Variants in SLAIN1 observed in about 807,000 individuals in gnomAD.
SLAIN1 encodes SLAIN family member 1, also known as SLAIN motif-containing protein 1.
Under a neutral mutation model 55.4 loss-of-function variants are expected in SLAIN1, and 17 were observed. That is an observed-to-expected ratio of 0.31 (90% CI 0.21 to 0.46). SLAIN1 has a LOEUF of 0.46. SLAIN1 is among the 20% of genes least tolerant of loss of function. SLAIN1 has a pLI of 1.00. For synonymous variants in SLAIN1, 348 were observed against 337.4 expected (o/e 1.03, Z -0.35); for missense variants, 682 against 785.1 (o/e 0.87, Z 1.57).
chr13:77,744,124 A>T, intron 2 of SLAIN1, 159 bp from the exon 3 acceptor site: 1 of 659,964 alleles, frequency 1.5e-6, no homozygotes, highest in South Asian at 1.7e-5. Context: ...TGAATTGTGT[A>T]CACATGATGT....
chr13:77,731,316 A>G (rs1327657659), intron 2 of SLAIN1, among the ~76,000 whole-genome samples: 1 of 152,202 alleles, frequency 6.6e-6, no homozygotes, highest in Non-Finnish European at 1.5e-5. Flanking sequence ...TAGATAAAAA[A>G]TTAATATTGT....
chr13:77,720,680 A>C (rs2091253672), intron 2 of SLAIN1, among the ~76,000 whole-genome samples: 1 of 152,144 alleles, frequency 6.6e-6, no homozygotes, highest in African/African-American at 2.4e-5. Flanking sequence ...AGTTTAGAGA[A>C]GTTCCCAGGG....
At chr13:77,711,757 G>A (rs951532824) in intron 1 of SLAIN1, among the ~76,000 whole-genome samples, 3 of 152,074 alleles carry the variant, frequency 2.0e-5, no homozygotes, top group African/African-American at 7.2e-5. Context: ...CCAAAACCTG[G>A]CAGAGACACA....
chr13:77,721,990 G>A (rs1007299628), intron 2 of SLAIN1, among the ~76,000 whole-genome samples: 1 of 138,676 alleles, frequency 7.2e-6, no homozygotes, highest in East Asian at 2.0e-4. Flanking sequence ...TTACATATAA[G>A]GTTAGGTTTT....
rs1331563200 is a variant in SLAIN1, at chr13:77,698,941, C to T, written c.626+402C>T. 3 of 1,534,062 alleles carry T rather than the reference C, an allele frequency of 2.0e-6. No homozygotes were observed. The highest frequency in any genetic ancestry group is 1.2e-5 in the South Asian group (1 of 83,964). ...GACGGGGGATGGTAGGGGTTGGCCT[C>T]TGTCTGCGACTGTTACTGTTCTTTC... On this transcript the variant is annotated intron_variant, in intron 1 of 6. Transcript: ENST00000418532. This position sits in a 1 kb window ranked among gnomAD's most constrained non-coding sequence, Gnocchi z 4.1.
intron 2 of SLAIN1, chr13:77,743,022 G>C (rs1248816806): frequency 2.3e-6 from 3 of 1,287,992 alleles, no homozygotes; most frequent in South Asian, 2.6e-5. Context: ...ACAGCTAGCC[G>C]ATGGCGGAGT....
intron 5 of SLAIN1, among the ~76,000 whole-genome samples, chr13:77,757,544 T>G (rs1037419409): frequency 6.6e-6 from 1 of 152,048 alleles, no homozygotes; most frequent in East Asian, 1.9e-4. Context: ...ACCGAAGCAG[T>G]GTACACTGTA....
chr13:77,745,345 C>A (rs971920497), intron 3 of SLAIN1, among the ~76,000 whole-genome samples: 2 of 151,980 alleles, frequency 1.3e-5, no homozygotes, highest in Non-Finnish European at 2.9e-5. Flanking sequence ...AATGTTACCA[C>A]TGGGGGAAAC....
At chr13:77,728,837 C>T (rs1463314647) in intron 2 of SLAIN1, among the ~76,000 whole-genome samples, 1 of 152,138 alleles carries the variant, frequency 6.6e-6, no homozygotes, top group East Asian at 1.9e-4. Flanking sequence ...TCCACTAGCT[C>T]ATATTTCTAG....
intron 4 of SLAIN1, among the ~76,000 whole-genome samples, chr13:77,750,791 A>G (rs888065847): frequency 6.6e-6 from 1 of 152,226 alleles, no homozygotes; most frequent in African/African-American, 2.4e-5. Context: ...GGAAGTCCAT[A>G]GAAAAGCTTC....
rs1198804411 is a variant in SLAIN1, at chr13:77,698,983, G to T, written c.626+444G>T. The T allele has an allele frequency of 6.5e-7, 1 of 1,534,656 alleles. No homozygotes were observed. Among genetic ancestry groups the T allele is most frequent in the South Asian group, 1.2e-5 (1 of 83,974 alleles). ...TGTTCTTTCGTTTTAAACGAACGCTGGACAGGATTTGCGTGCTCTTCCTCC... is the reference window on the plus strand; with the variant it reads ...TGTTCTTTCGTTTTAAACGAACGCTTGACAGGATTTGCGTGCTCTTCCTCC... On this transcript the variant is annotated intron_variant, in intron 1 of 6. Transcript: ENST00000418532. This position sits in a 1 kb window ranked among gnomAD's most constrained non-coding sequence, Gnocchi z 4.1.
chr13:77,749,757 C>A (rs1219093342), intron 4 of SLAIN1, among the ~76,000 whole-genome samples: 1 of 152,160 alleles, frequency 6.6e-6, no homozygotes, highest in African/African-American at 2.4e-5. Flanking sequence ...AAATGTACCT[C>A]ATTTCCAGAT....
chr13:77,744,575 A>G, intron 3 of SLAIN1, 143 bp downstream of exon 3: 1 of 1,272,972 alleles, frequency 7.9e-7, no homozygotes, highest in Admixed American at 2.0e-5. Context: ...AGGTGGAGCC[A>G]GTTATATGCT....
At chr13:77,722,318 G>A (rs2091269677) in intron 2 of SLAIN1, among the ~76,000 whole-genome samples, 2 of 152,028 alleles carry the variant, frequency 1.3e-5, no homozygotes, top group Non-Finnish European at 2.9e-5. Context: ...GAGATAAGAA[G>A]TAACCAATTA....
chr13:77,721,899 C>T (rs1320458342), intron 2 of SLAIN1, among the ~76,000 whole-genome samples: 1 of 149,204 alleles, frequency 6.7e-6, no homozygotes, highest in Non-Finnish European at 1.5e-5. Context: ...CCACAGTTTA[C>T]CCACCCCGGC....
intron 1 of SLAIN1, among the ~76,000 whole-genome samples, chr13:77,700,347 C>A (rs1167570441): frequency 6.6e-6 from 1 of 152,166 alleles, no homozygotes; most frequent in African/African-American, 2.4e-5. Context: ...GGTTCTATTT[C>A]ATTCAACAAG....
intron 1 of SLAIN1, among the ~76,000 whole-genome samples, chr13:77,703,407 A>G (rs965066297): frequency 3.3e-5 from 5 of 152,140 alleles, no homozygotes; most frequent in Admixed American, 1.3e-4. Context: ...TGTTTTTTGC[A>G]TAATTGATTT....
intron 4 of SLAIN1, among the ~76,000 whole-genome samples, chr13:77,752,299 T>TTTG (rs1303799047): frequency 5.9e-5 from 9 of 151,470 alleles, no homozygotes; most frequent in African/African-American, 1.7e-4. Context: ...TTTTTTTTTT[T>TTTG]TTTTTTTAAG....
At chr13:77,738,595 C>T (rs906774920) in intron 2 of SLAIN1, among the ~76,000 whole-genome samples, 8 of 152,038 alleles carry the variant, frequency 5.3e-5, no homozygotes, top group African/African-American at 1.7e-4. Flanking sequence ...AAGCCATTAT[C>T]CTCAGCAAAC....
Sources: allele counts gnomAD v4.1 joint callset (sites outside exome capture counted in the v4.1 genomes callset), GRCh38; gene constraint gnomAD v4.1.1; non-coding constraint Gnocchi (gnomAD v3.1); transcripts MANE v1.5; gene names NCBI Gene and HGNC (gene_info 2026-07-23, HGNC 2026-07-21).